The following CLASP2 variants were observed in gnomAD, a reference collection of about 807,000 sequenced individuals.
CLASP2 encodes the protein cytoplasmic linker associated protein 2.
A neutral mutation model predicts 194.4 loss-of-function variants in CLASP2; 47 were observed. That is an observed-to-expected ratio of 0.24 (90% CI 0.19 to 0.31). CLASP2 has a LOEUF of 0.31. CLASP2 is among the 10% of genes least tolerant of loss of function. The pLI is 1.00. For synonymous variants in CLASP2, 619 were observed against 633.5 expected (o/e 0.98, Z 0.34); for missense variants, 1,445 against 1,823.6 (o/e 0.79, Z 3.78).
intron 33 of CLASP2, among the ~76,000 whole-genome samples, chr3:33,536,876 T>A (rs999188211): frequency 1.3e-5 from 2 of 152,152 alleles, no homozygotes; most frequent in African/African-American, 4.8e-5. Context: ...TCCATGGATT[T>A]TGGCTAGGCA....
chr3:33,696,130 T>C (rs2091870106), intron 2 of CLASP2, among the ~76,000 whole-genome samples: 1 of 152,020 alleles, frequency 6.6e-6, no homozygotes, highest in African/African-American at 2.4e-5. Context: ...ATTTTGTTTG[T>C]TGCATCTAAT....
Sources: allele counts gnomAD v4.1 joint callset (sites outside exome capture counted in the v4.1 genomes callset), GRCh38; gene constraint gnomAD v4.1.1; transcripts MANE v1.5; gene names NCBI Gene and HGNC (gene_info 2026-07-23, HGNC 2026-07-21).